The following ETV3 variants were observed in gnomAD, a reference collection of about 807,000 sequenced individuals.
ETV3 encodes ETS variant transcription factor 3, also known as ETS translocation variant 3.
In ETV3, 8 loss-of-function variants were observed where a neutral mutation model predicts 33.0. The ratio of observed to expected loss-of-function variants is 0.24; its 90% CI spans 0.14 to 0.44. ETV3 has a LOEUF of 0.44. ETV3 is among the 20% of genes least tolerant of loss of function. ETV3 has a pLI of 1.00. For missense variants in ETV3, 473 were observed against 652.3 expected (o/e 0.73, Z 2.99); for synonymous variants, 222 against 238.9 (o/e 0.93, Z 0.65).
rs1236499578 is a variant in ETV3 at position 157,122,615 on chromosome 1, C to T, written c.*2226G>A. On this transcript the variant is annotated 3_prime_UTR_variant, in exon 5 of 5. Transcript: ENST00000368192. ...TTCTCCCTCGTATTTAAAAAGGCCT[C>T]GTGTTTCTATTCCTGAGTTCATACC... The T allele has an allele frequency of 3.3e-5, 5 of 152,088 alleles. No individual in the cohort carries two copies. The highest frequency in any genetic ancestry group is 2.1e-4 in the South Asian group (1 of 4,826). 9.4% of individuals were successfully genotyped at this position (152,088 alleles called of 1,614,324 possible).
At chr1:157,135,216 A>G in intron 3 of ETV3, 1 of 593,892 alleles carries the variant, frequency 1.7e-6, no homozygotes, top group South Asian at 2.1e-5. Context: ...TACAGAGCAG[A>G]ATCAGCTGTC....
rs1289805610 is a variant in ETV3 at position 157,135,600 on chromosome 1, T to C, written c.155A>G (p.His52Arg). 1 of 1,614,034 alleles carries C rather than the reference T, an allele frequency of 6.2e-7. No individual in the cohort carries two copies. The highest frequency in any genetic ancestry group is 1.3e-5 in the African/African-American group (1 of 74,922). The part of the protein sequence containing the change: ...LELLQKEEFR[H>R]VIAWQQGEYG... ...CTCTCCCTGCTGCCAGGCGATGACA[T>C]GGCGGAACTCTTCCTTCTGCAGCAG... The change falls in exon 3 of 5, where the codon CAT becomes CGT. Residue 52 changes from histidine to arginine, a missense_variant. Transcript: ENST00000368192.
In ETV3 at chr1:157,134,164, G is replaced by A; in HGVS notation, c.348C>T (p.Asn116=). 6.2e-7 allele frequency: 1 copy of A among 1,614,030 alleles called. No individual in the cohort carries two copies. The highest frequency in any genetic ancestry group is 1.1e-5 in the South Asian group (1 of 91,070). Residue 116 remains asparagine (N), a synonymous_variant, in exon 4 of 5, where the codon AAC becomes AAT. Coordinates refer to ENST00000368192, the MANE Select transcript of ETV3 (RefSeq NM_001145312.3). Reference sequence around the variant, plus strand: ...AGTTGGGCATCACCAGCTTGTTGAAGTTAAATTTATAGGTAAATCTTTTCC... The same window carrying A: ...AGTTGGGCATCACCAGCTTGTTGAAATTAAATTTATAGGTAAATCTTTTCC... The part of the protein sequence containing the change: ...TKGKRFTYKF[N]FNKLVMPNYP...
At chr1:157,136,213 T>C (rs1558032725) in intron 2 of ETV3, 94 bp downstream of exon 2, 22 of 1,183,556 alleles carry the variant, frequency 1.9e-5, no homozygotes, top group Middle Eastern at 3.8e-4. Context: ...GTGTCAGTCA[T>C]GGTCTGACAT....
rs367728346 is a variant in ETV3 at position 157,133,473 on chromosome 1, C to CA, written c.400+638dup. ...ACAAAGTCTTTTGAGAGACTGCTTT[C>CA]AACATCAAGAGAGAATGTGGGGAGC... On this transcript the variant is annotated intron_variant, in intron 4 of 4. Coordinates refer to ENST00000368192, the MANE Select transcript of ETV3 (RefSeq NM_001145312.3). The CA allele has an allele frequency of 1.0e-4, 102 of 985,752 alleles. 1 individual carries two copies. The African/African-American group carries it at 1.6e-3, about 16-fold the overall frequency. The allele number at this position is 985,752 out of a possible 1,614,324, so 61.1% of individuals were successfully genotyped here. A position where few individuals can be genotyped will look rare whatever the true frequency, so the allele number is the denominator to read the frequency against.
chr1:157,136,444 C>T (rs917778147), intron 1 of ETV3, 79 bp from the exon 2 acceptor site: 4 of 1,302,048 alleles, frequency 3.1e-6, no homozygotes, highest in Non-Finnish European at 4.3e-6. Context: ...GCAGTCTCTC[C>T]CCAAACTTCC....
chr1:157,133,623 G>A (rs1675024635), intron 4 of ETV3: 1 of 987,498 alleles, frequency 1.0e-6, no homozygotes, highest in Non-Finnish European at 1.2e-6. Context: ...CAAAGACACT[G>A]CTTTTCACTG....
At chr1:157,126,362 A>G (rs1320638647) in intron 4 of ETV3, among the ~76,000 whole-genome samples, 1 of 152,218 alleles carries the variant, frequency 6.6e-6, no homozygotes, top group Non-Finnish European at 1.5e-5. Context: ...AATGGGTACA[A>G]GAGCCTTCTC....
chr1:157,133,314 T>C, intron 4 of ETV3: 3 of 742,218 alleles, frequency 4.0e-6, no homozygotes, highest in Non-Finnish European at 4.9e-6. Flanking sequence ...TGGAGTTTGG[T>C]ACTATCTGTG....
chr1:157,133,749 G>C (rs2103205953), intron 4 of ETV3: 1 of 1,020,146 alleles, frequency 9.8e-7, no homozygotes, highest in African/African-American at 1.7e-5. Flanking sequence ...GTAGAAACAG[G>C]TTCCCATCTA....
chr1:157,134,747 G>A (rs989356145), intron 3 of ETV3, among the ~76,000 whole-genome samples: 5 of 152,192 alleles, frequency 3.3e-5, no homozygotes, highest in Admixed American at 6.5e-5. Context: ...AGTGTGGCCC[G>A]CCTCACCTTC....
chr1:157,134,240 G>A lies in ETV3; in HGVS notation c.285-13C>T. 6 of 1,610,114 alleles carry A rather than the reference G, an allele frequency of 3.7e-6. No homozygotes were observed. The highest frequency in any genetic ancestry group is 5.1e-6 in the Non-Finnish European group (6 of 1,178,804). On this transcript the variant is annotated splice_polypyrimidine_tract_variant and intron_variant, in intron 3 of 4. Coordinates refer to ENST00000368192, the MANE Select transcript of ETV3 (RefSeq NM_001145312.3). Reference sequence around the variant, plus strand: ...GTTGTAATAGTATCTGTAAAAACAGGAATACATGTCCATTCGTCTTGTAGC... The same window carrying A: ...GTTGTAATAGTATCTGTAAAAACAGAAATACATGTCCATTCGTCTTGTAGC...
chr1:157,135,405 G>C, intron 3 of ETV3, 66 bp downstream of exon 3: 1 of 1,563,436 alleles, frequency 6.4e-7, no homozygotes, highest in Non-Finnish European at 8.8e-7. Context: ...TTTTTATCTA[G>C]CATTCACCAA....
intron 4 of ETV3, chr1:157,133,198 T>C (rs1474216525): frequency 6.2e-6 from 1 of 160,314 alleles, no homozygotes; most frequent in Non-Finnish European, 1.3e-5. Context: ...AATTTTTCTA[T>C]TTTATTATTG....
intron 4 of ETV3, among the ~76,000 whole-genome samples, chr1:157,132,058 G>A (rs1674979773): frequency 6.6e-6 from 1 of 152,196 alleles, no homozygotes; most frequent in African/African-American, 2.4e-5. Context: ...TGCCTCCCAG[G>A]TTCAAGTGAT....
chr1:157,135,172 T>G (rs1010602243), intron 3 of ETV3: 1 of 496,338 alleles, frequency 2.0e-6, no homozygotes, highest in Non-Finnish European at 3.6e-6. Flanking sequence ...ATAAATGAAC[T>G]CCAATCCATG....
In ETV3 at chr1:157,125,231, T is replaced by C. The variant is rs780498765; in HGVS notation, c.1149A>G (p.Glu383=). Residue 383 remains glutamate, a synonymous_variant, in exon 5 of 5, where the codon GAA becomes GAG. Coordinates refer to ENST00000368192, the MANE Select transcript of ETV3 (RefSeq NM_001145312.3). This position sits in a 1 kb window ranked among gnomAD's most constrained non-coding sequence, Gnocchi z 4.0. ...TCTCAGGATCCTTTTCAGAGGCAGG[T>C]TCCACCTTGATTCTTGGGGGAATAG... is the stretch of plus-strand genomic sequence containing the variant. ...MASIPPRIKV[E]PASEKDPESL... 1 of 1,551,938 alleles carries C rather than the reference T, an allele frequency of 6.4e-7. No homozygotes were observed. Among genetic ancestry groups the C allele is most frequent in the South Asian group, 1.2e-5 (1 of 84,056 alleles).
intron 4 of ETV3, chr1:157,133,449 CAA>C: frequency 2.0e-6 from 2 of 985,666 alleles, no homozygotes; most frequent in African/African-American, 1.7e-5. Context: ...CACACAACAA[CAA>C]AGTCTTTTGA....
intron 4 of ETV3, among the ~76,000 whole-genome samples, chr1:157,130,933 CT>C (rs1335520794): frequency 2.0e-5 from 3 of 152,136 alleles, no homozygotes; most frequent in African/African-American, 7.2e-5. Flanking sequence ...GGAGAATGTC[CT>C]TGTTCCTGGG....
Sources: gnomAD v4.1 joint callset for allele counts (sites outside exome capture counted in the v4.1 genomes callset) on GRCh38, gnomAD v4.1.1 for gene constraint, Gnocchi (gnomAD v3.1) non-coding constraint, MANE v1.5 for transcripts, NCBI Gene and HGNC (gene_info 2026-07-23, HGNC 2026-07-21) for gene names.